C1S: variants seen among roughly 807,000 people sequenced by gnomAD.
C1S encodes complement C1s subcomponent.
A neutral mutation model predicts 54.0 loss-of-function variants in C1S; 31 were observed. The observed-to-expected ratio is 0.57, with a 90% confidence interval of 0.43 to 0.78. The LOEUF is 0.78. C1S is among the 30% of genes least tolerant of loss of function. The pLI is 0.00. For missense variants in C1S, 727 were observed against 851.8 expected, an observed-to-expected ratio of 0.85 and a Z score of 1.82; for synonymous variants, 292 against 303.6, an observed-to-expected ratio of 0.96 and a Z score of 0.40.
rs782598367 is a variant in C1S at position 7,070,788 on chromosome 12, C to T, written c.*137C>T. On this transcript the variant is annotated 3_prime_UTR_variant, in exon 12 of 12. Transcript: ENST00000360817. The surrounding 1 kb of genome is among the most constrained non-coding windows in gnomAD (Gnocchi z 4.9). ...TTTAAATAGAACTTGATTGTTGAGACGCCTTGCTAGAGGTAGAGTTTGATC... is the reference window on the plus strand; with the variant it reads ...TTTAAATAGAACTTGATTGTTGAGATGCCTTGCTAGAGGTAGAGTTTGATC... The T allele has an allele frequency of 1.3e-5, 10 of 791,816 alleles. No homozygotes were observed. Among genetic ancestry groups the T allele is most frequent in the African/African-American group, 3.4e-5 (2 of 58,884 alleles). 49.0% of individuals were successfully genotyped at this position (791,816 alleles called of 1,614,324 possible).
rs1237402973 is a variant in C1S at position 7,062,938 on chromosome 12, A to G, written c.262A>G (p.Ser88Gly). 1 of 1,614,018 alleles carries G rather than the reference A, an allele frequency of 6.2e-7. No individual in the cohort carries two copies. The highest frequency in any genetic ancestry group is 8.5e-7 in the Non-Finnish European group (1 of 1,180,002). ...EEGRLCGQRS[S>G]NNPHSPIVEE... ...AGGGAGGCTCTGTGGACAGAGGAGC[A>G]GTAACAATCCCCACTCTCCAATTGT... Residue 88 changes from serine to glycine, a missense_variant, in exon 4 of 12, where the codon AGT (serine) becomes GGT (glycine). Around this residue, in one of 3 missense-constraint regions of C1S, gnomAD observed 357 missense variants for 365.4 expected, o/e 0.98. Transcript: ENST00000360817.
chr12:7,069,663 C>T (rs1360540402), intron 11 of C1S, among the ~76,000 whole-genome samples, 192 bp from the exon 12 acceptor site: 1 of 150,352 alleles, frequency 6.7e-6, no homozygotes, highest in Non-Finnish European at 1.5e-5. Context: ...CAGCTTATGA[C>T]ATCGGCAAAG....
intron 2 of C1S, 89 bp from the exon 3 acceptor site, chr12:7,062,386 C>T: frequency 1.1e-6 from 1 of 941,910 alleles, no homozygotes; most frequent in Non-Finnish European, 1.7e-6. Context: ...TCTCTTCTTC[C>T]CCCTTTCTTC....
At chr12:7,061,282 C>A (rs958455027) in intron 1 of C1S, 5 of 159,022 alleles carry the variant, frequency 3.1e-5, no homozygotes, top group Non-Finnish European at 5.6e-5. Flanking sequence ...CCTTCTCAGA[C>A]CGCTTGTCCC....
chr12:7,061,493 G>A (rs1326946706), intron 1 of C1S: 2 of 334,156 alleles, frequency 6.0e-6, no homozygotes, highest in Non-Finnish European at 1.2e-5. Flanking sequence ...GGAAATGGGA[G>A]CATCGTTCTT....
At position 7,061,906 on chromosome 12, in the gene C1S, G is replaced by A. The variant is rs782548873; in HGVS notation, c.-7G>A. On this transcript the variant is annotated 5_prime_UTR_variant, in exon 2 of 12. Transcript: ENST00000360817. Reference sequence around the variant, plus strand: ...GGCAGCTCACCAGGGTGGACAAATCGCCAGAGATGTGGTAAGTGATCAAGG... The same window carrying A: ...GGCAGCTCACCAGGGTGGACAAATCACCAGAGATGTGGTAAGTGATCAAGG... 6.2e-6 allele frequency: 10 copies of A among 1,613,886 alleles called. No homozygotes were observed. In the East Asian group the frequency reaches 6.7e-5, roughly 11 times the overall value.
Position 7,070,899 on chromosome 12 carries a change from G to A in C1S, c.*248G>A. The A allele has an allele frequency of 1.9e-6, 1 of 530,162 alleles. No homozygotes were observed. The allele number at this position is 530,162 out of a possible 1,614,324, so 32.8% of individuals were successfully genotyped here. ...CCTATTGTAGATAACACTATGGGTG[G>A]GGCACTCCTTTCTTGCACTATTCCA... On this transcript the variant is annotated 3_prime_UTR_variant, in exon 12 of 12. Coordinates refer to ENST00000360817, the MANE Select transcript of C1S (RefSeq NM_001734.5). The surrounding 1 kb of genome is among the most constrained non-coding windows in gnomAD (Gnocchi z 4.9).
In C1S at chr12:7,069,850, C is replaced by G; in HGVS notation, c.1271-5C>G. On this transcript the variant is annotated splice_region_variant and splice_polypyrimidine_tract_variant and intron_variant, in intron 11 of 11. Transcript: ENST00000360817. ...CCTTCCCTGTGTTGTTTTATTCCTT[C>G]CTAGTCTGTGGAGTCCCCAGAGAAC... 6.2e-7 allele frequency: 1 copy of G among 1,611,210 alleles called. No individual in the cohort carries two copies. Among genetic ancestry groups the G allele is most frequent in the East Asian group, 2.2e-5 (1 of 44,858 alleles).
intron 8 of C1S, 197 bp from the exon 9 acceptor site, chr12:7,066,842 A>T: frequency 1.4e-6 from 1 of 705,318 alleles, no homozygotes; most frequent in Non-Finnish European, 2.6e-6. Flanking sequence ...AGTCTTCTTG[A>T]GGAAGGGGAG....
Position 7,070,541 on chromosome 12 carries a change from G to C in C1S, c.1957G>C (p.Val653Leu). ...DKTKFYAAGL[V>L]SWGPQCGTYG... ...GACCAAATTCTACGCAGCTGGCCTG[G>C]TGTCCTGGGGGCCCCAGTGTGGGAC... Residue 653 changes from valine to leucine, a missense_variant, in exon 12 of 12, where the codon GTG becomes CTG. Around this residue, in one of 3 missense-constraint regions of C1S, gnomAD observed 360 missense variants for 453.6 expected, o/e 0.79. Transcript: ENST00000360817. This position sits in a 1 kb window ranked among gnomAD's most constrained non-coding sequence, Gnocchi z 4.9. The C allele has an allele frequency of 6.2e-7, 1 of 1,613,930 alleles. No homozygotes were observed. The highest frequency in any genetic ancestry group is 8.5e-7 in the Non-Finnish European group (1 of 1,179,908).
Position 7,070,195 on chromosome 12 carries a change from C to A in C1S, c.1611C>A (p.Asp537Glu). Residue 537 changes from aspartate (D) to glutamate (E), a missense_variant, in exon 12 of 12, where the codon GAC (aspartate) becomes GAA (glutamate). By Grantham distance (45) the Asp-to-Glu change is conservative. Coordinates refer to ENST00000360817, the MANE Select transcript of C1S (RefSeq NM_001734.5). This position sits in a 1 kb window ranked among gnomAD's most constrained non-coding sequence, Gnocchi z 4.9. ...DNDIALVRLKDPVKMGPTVSP... is the reference protein window; with the variant it reads ...DNDIALVRLKEPVKMGPTVSP... ...ACATTGCACTGGTGCGGCTGAAAGACCCAGTGAAAATGGGACCCACCGTCT... is the reference window on the plus strand; with the variant it reads ...ACATTGCACTGGTGCGGCTGAAAGAACCAGTGAAAATGGGACCCACCGTCT... 1 of 1,614,154 alleles carries A rather than the reference C, an allele frequency of 6.2e-7. No homozygotes were observed. The highest frequency in any genetic ancestry group is 1.1e-5 in the South Asian group (1 of 91,076).
Position 7,067,788 on chromosome 12 carries a change from G to GGA in C1S, c.1195+20_1195+21dup. The GGA allele has an allele frequency of 6.2e-7, 1 of 1,611,964 alleles. No individual in the cohort carries two copies. The highest frequency in any genetic ancestry group is 8.5e-7 in the Non-Finnish European group (1 of 1,178,132). On this transcript the variant is annotated intron_variant, in intron 10 of 11. Transcript: ENST00000360817. ...GAGGAGGTGGTAGGTTTCTTCTACT[G>GGA]GAGAAGAGAGAGAGAGAGTGAGAAG...
intron 4 of C1S, 63 bp downstream of exon 4, chr12:7,063,130 C>T (rs1262854811): frequency 2.2e-6 from 3 of 1,383,500 alleles, no homozygotes; most frequent in African/African-American, 1.4e-5. Flanking sequence ...ATGAGAAATC[C>T]ACTGAGCAAC....
rs782378391 is a variant in C1S, at chr12:7,065,582, A to G, written c.718-235A>G. The stretch of plus-strand genomic sequence containing the variant: ...ATGGGGTTTTGCTATGTTGCTCAGG[A>G]TAGCCTGAAACTCCTAGCCTCAAGC... On this transcript the variant is annotated intron_variant, in intron 6 of 11. Transcript: ENST00000360817. 1.6e-5 allele frequency: 10 copies of G among 615,360 alleles called. No homozygotes were observed. In the South Asian group the frequency reaches 2.0e-4, roughly 12 times the overall value. The allele number at this position is 615,360 out of a possible 1,614,324, so 38.1% of individuals were successfully genotyped here. A position where few individuals can be genotyped will look rare whatever the true frequency, so the allele number is the denominator to read the frequency against.
intron 2 of C1S, 24 bp from the exon 3 acceptor site, chr12:7,062,451 C>A (rs781842746): frequency 1.3e-6 from 2 of 1,596,056 alleles, no homozygotes; most frequent in South Asian, 2.2e-5. Flanking sequence ...GGTCACCCGC[C>A]AATCTATGCC....
At chr12:7,062,309 T>A (rs1947102502) in intron 2 of C1S, 166 bp from the exon 3 acceptor site, 2 of 635,820 alleles carry the variant, frequency 3.1e-6, no homozygotes, top group Non-Finnish European at 5.6e-6. Context: ...GAAGCCTGGG[T>A]TTTGGTTTGA....
chr12:7,061,624 G>A (rs958369372), intron 1 of C1S: 7 of 511,544 alleles, frequency 1.4e-5, no homozygotes, highest in South Asian at 6.1e-5. Context: ...GTCTAGAGAA[G>A]CAATGAGGGA....
chr12:7,067,521 G>T, intron 9 of C1S, 122 bp from the exon 10 acceptor site: 1 of 1,121,572 alleles, frequency 8.9e-7, no homozygotes, highest in Non-Finnish European at 1.3e-6. Context: ...GTGTGGGGAG[G>T]TTCATCCCAG....
chr12:7,067,832 C>T lies in C1S; in HGVS notation c.1195+61C>T, dbSNP rs782590670. 35 of 1,528,826 alleles carry T rather than the reference C, an allele frequency of 2.3e-5. No homozygotes were observed. The East Asian group carries it at 3.8e-4, about 17-fold the overall frequency. 94.7% of individuals were successfully genotyped at this position (1,528,826 alleles called of 1,614,324 possible). On this transcript the variant is annotated intron_variant, in intron 10 of 11. Transcript: ENST00000360817. ...TGAGAAGGTGTTGGAGGGTGGATAG[C>T]ATAATCTGTGCCAGAGACAGAGTTT...
Sources: allele counts gnomAD v4.1 joint callset (sites outside exome capture counted in the v4.1 genomes callset), GRCh38; gene constraint gnomAD v4.1.1; regional missense constraint gnomAD v4.1.1; non-coding constraint Gnocchi (gnomAD v3.1); transcripts MANE v1.5; gene names NCBI Gene and HGNC (gene_info 2026-07-23, HGNC 2026-07-21).